Variants in LYRM7 observed in about 807,000 individuals in gnomAD.
LYRM7 encodes LYR motif containing 7, also known as complex III assembly factor LYRM7.
Under a neutral mutation model 15.8 loss-of-function variants are expected in LYRM7, and 9 were observed. The ratio of observed to expected loss-of-function variants is 0.57; its 90% CI spans 0.34 to 0.99. The LOEUF is 0.99. Ranked by LOEUF, LYRM7 falls within the 50% of genes least tolerant of loss-of-function variation. The pLI is 0.02. For synonymous variants in LYRM7, 39 were observed against 39.4 expected (o/e 0.99, Z 0.04); for missense variants, 115 against 119.1 (o/e 0.97, Z 0.16).
intron 4 of LYRM7, among the ~76,000 whole-genome samples, chr5:131,194,251 A>G (rs1181968817): frequency 6.6e-6 from 1 of 152,246 alleles, no homozygotes; most frequent in Non-Finnish European, 1.5e-5. Context: ...GCATATAAAT[A>G]TAGTTGGAGT....
chr5:131,192,032 T>TACACACAC (rs60867142), intron 4 of LYRM7, among the ~76,000 whole-genome samples: 47 of 127,768 alleles, frequency 3.7e-4, no homozygotes, highest in East Asian at 1.7e-3. Context: ...ATGTGGTGCA[T>TACACACAC]ACACACACAC....
chr5:131,173,223 C>T (rs1755549824), intron 1 of LYRM7, among the ~76,000 whole-genome samples: 2 of 152,188 alleles, frequency 1.3e-5, no homozygotes, highest in South Asian at 4.1e-4. Context: ...CTATCAAGCA[C>T]CTCAGAGTTA....
At chr5:131,191,230 AT>A (rs1196750177) in intron 4 of LYRM7, among the ~76,000 whole-genome samples, 1 of 151,794 alleles carries the variant, frequency 6.6e-6, no homozygotes, top group Non-Finnish European at 1.5e-5. Flanking sequence ...AAGAAATTTG[AT>A]TCCTTAATCT....
intron 4 of LYRM7, among the ~76,000 whole-genome samples, chr5:131,199,056 G>A (rs1756016695): frequency 6.6e-6 from 1 of 152,078 alleles, no homozygotes; most frequent in African/African-American, 2.4e-5. Flanking sequence ...CCTGGCTCCT[G>A]CCCACTAAAT....
rs148028550 is a variant in LYRM7 at position 131,181,417 on chromosome 5, T to A, written c.92-812T>A. Among the ~76,000 whole-genome samples, 352 of 106,146 alleles carry A rather than the reference T, an allele frequency of 3.3e-3. 9 individuals are homozygous for A. Among genetic ancestry groups the A allele is most frequent in the African/African-American group, 0.015 (286 of 18,860 alleles). 69.6% of individuals were successfully genotyped at this position (106,146 alleles called of 152,430 possible). On this transcript the variant is annotated intron_variant, in intron 2 of 4. Transcript: ENST00000379380. ...ATATATTATATATACATATATATGT[T>A]TATATATATATAACATATATATGTA...
chr5:131,180,084 T>G lies in LYRM7; in HGVS notation c.19-11T>G. The G allele has an allele frequency of 1.2e-6, 2 of 1,602,818 alleles. No individual in the cohort carries two copies. The highest frequency in any genetic ancestry group is 1.7e-6 in the Non-Finnish European group (2 of 1,171,078). ...ACTGTGCCCAACCTTGAATTCTGAT[T>G]TTCTTAACAGGTTTTACAGCTCTTT... On this transcript the variant is annotated splice_polypyrimidine_tract_variant and intron_variant, in intron 1 of 4. Transcript: ENST00000379380.
At chr5:131,195,216 C>T (rs752049424) in intron 4 of LYRM7, among the ~76,000 whole-genome samples, 7 of 152,060 alleles carry the variant, frequency 4.6e-5, no homozygotes, top group Admixed American at 1.3e-4. Flanking sequence ...TGCAGTGAGC[C>T]GAGATCACAG....
intron 3 of LYRM7, among the ~76,000 whole-genome samples, chr5:131,186,682 G>A (rs1273796381): frequency 6.6e-6 from 1 of 152,194 alleles, no homozygotes; most frequent in African/African-American, 2.4e-5. Flanking sequence ...AGTCAATCTT[G>A]ATAACCGAGA....
intron 1 of LYRM7, among the ~76,000 whole-genome samples, chr5:131,177,927 A>G (rs1337807232): frequency 6.6e-6 from 1 of 151,612 alleles, no homozygotes; most frequent in African/African-American, 2.4e-5. Context: ...TTTATTCTAC[A>G]TTCTGGGCAA....
At chr5:131,179,474 T>TTTTTTTTTTTTTTTTTC (rs1755656398) in intron 1 of LYRM7, among the ~76,000 whole-genome samples, 85 of 23,476 alleles carry the variant, frequency 3.6e-3, no homozygotes, top group Non-Finnish European at 8.2e-3. Flanking sequence ...TTTTTTTTTC[T>TTTTTTTTTTTTTTTTTC]TTTTTTTTTT....
intron 3 of LYRM7, among the ~76,000 whole-genome samples, chr5:131,184,650 G>T (rs896745792): frequency 9.3e-5 from 14 of 150,252 alleles, no homozygotes; most frequent in Non-Finnish European, 1.8e-4. Context: ...CGGGGGGGGG[G>T]TTCCAGGATT....
intron 4 of LYRM7, among the ~76,000 whole-genome samples, chr5:131,191,323 A>G (rs1755883088): frequency 6.6e-6 from 1 of 152,158 alleles, no homozygotes; most frequent in African/African-American, 2.4e-5. Flanking sequence ...TGACAAGAAT[A>G]AAAATTCTGC....
At chr5:131,173,493 C>T (rs1469516445) in intron 1 of LYRM7, among the ~76,000 whole-genome samples, 3 of 152,208 alleles carry the variant, frequency 2.0e-5, no homozygotes, top group Non-Finnish European at 4.4e-5. Flanking sequence ...CGCCTGTAAT[C>T]CCAGCACTTT....
rs771222241 is a variant in LYRM7, at chr5:131,180,177, T to C, written c.91+10T>C. 6.3e-7 allele frequency: 1 copy of C among 1,592,090 alleles called. No individual in the cohort carries two copies. Among genetic ancestry groups the C allele is most frequent in the East Asian group, 2.2e-5 (1 of 44,704 alleles). ...GCCAGAGCATTAGAAGGTAAGTATG[T>C]TCTTTACCCCTTTGGAGCCAGTCTA... is the stretch of plus-strand genomic sequence containing the variant. On this transcript the variant is annotated intron_variant, in intron 2 of 4. Transcript: ENST00000379380.
rs934305851 is a variant in LYRM7 at position 131,193,470 on chromosome 5, T to C, written c.245-6061T>C. Among the ~76,000 whole-genome samples the C allele has an allele frequency of 3.9e-5, 6 of 152,254 alleles. No individual in the cohort carries two copies. In the East Asian group the frequency reaches 1.2e-3, roughly 29 times the overall value. ...ACAGGTTCTGGGAAGAAAACACTTT[T>C]GTGTTACAGTTTCCCTAATTTGAAG... On this transcript the variant is annotated intron_variant, in intron 4 of 4. Coordinates refer to ENST00000379380, the MANE Select transcript of LYRM7 (RefSeq NM_181705.4).
chr5:131,194,148 C>G (rs1311859230), intron 4 of LYRM7, among the ~76,000 whole-genome samples: 1 of 152,108 alleles, frequency 6.6e-6, no homozygotes, highest in Non-Finnish European at 1.5e-5. Flanking sequence ...CATCAACAAA[C>G]TAAGGCTGTT....
At chr5:131,180,215 C>A in intron 2 of LYRM7, 48 bp downstream of exon 2, 1 of 1,306,080 alleles carries the variant, frequency 7.7e-7, no homozygotes, top group Non-Finnish European at 1.1e-6. Context: ...TTTTAGATAA[C>A]TACTAATCTC....
chr5:131,189,536 T>A (rs1755852613), intron 4 of LYRM7, among the ~76,000 whole-genome samples: 1 of 151,332 alleles, frequency 6.6e-6, no homozygotes, highest in Non-Finnish European at 1.5e-5. Context: ...GTATATGGTA[T>A]GAGATGGGAG....
intron 1 of LYRM7, among the ~76,000 whole-genome samples, chr5:131,179,083 A>G (rs560392032): frequency 6.6e-6 from 1 of 151,790 alleles, no homozygotes; most frequent in African/African-American, 2.4e-5. Context: ...ATGTGTGTGT[A>G]TGATATTGAG....
Sources: allele counts gnomAD v4.1 joint callset (sites outside exome capture counted in the v4.1 genomes callset), GRCh38; gene constraint gnomAD v4.1.1; transcripts MANE v1.5; gene names NCBI Gene and HGNC (gene_info 2026-07-23, HGNC 2026-07-21).